Variants in IRF6 observed in about 807,000 individuals in gnomAD.
The protein encoded by IRF6 is interferon regulatory factor 6.
In IRF6, 6 loss-of-function variants were observed where a neutral mutation model predicts 51.4. The ratio of observed to expected loss-of-function variants is 0.12; its 90% CI spans 0.06 to 0.23. The LOEUF (loss-of-function observed/expected upper bound fraction) is 0.23. Among genes scored for constraint, IRF6 ranks in the 10% least tolerant of loss-of-function variants. The pLI is 1.00. For missense variants in IRF6, 348 were observed against 585.2 expected (o/e 0.59, Z 4.18); for synonymous variants, 178 against 215.7 (o/e 0.83, Z 1.53).
chr1:209,795,592 T>C (rs56877654), intron 4 of IRF6, among the ~76,000 whole-genome samples, 174 bp from the exon 5 acceptor site: 1,738 of 152,320 alleles, frequency 0.011, 33 homozygotes, highest in African/African-American at 0.038. Flanking sequence ...ACTTCTCTCA[T>C]GGAAGGACCT....
At chr1:209,788,781 C>T (rs1023052628) in intron 8 of IRF6, 137 bp from the exon 9 acceptor site, 12 of 713,160 alleles carry the variant, frequency 1.7e-5, no homozygotes, top group Non-Finnish European at 2.0e-5. Context: ...TAGGATATGC[C>T]TTCATCTCTC....
chr1:209,796,289 A>T lies in IRF6; in HGVS notation c.379+59T>A. ...CTGTTTTCAAGTTGACTATCTCTTA[A>T]GAGTGCAGCCCAGAATCTGGCATGC... On this transcript the variant is annotated intron_variant, in intron 4 of 8. Coordinates refer to ENST00000367021, the MANE Select transcript of IRF6 (RefSeq NM_006147.4). The surrounding 1 kb of genome is among the most constrained non-coding windows in gnomAD (Gnocchi z 4.5). The T allele has an allele frequency of 1.4e-6, 2 of 1,409,294 alleles. No individual in the cohort carries two copies. Among genetic ancestry groups the T allele is most frequent in the Non-Finnish European group, 2.0e-6 (2 of 996,468 alleles). The allele number at this position is 1,409,294 out of a possible 1,614,324, so 87.3% of individuals were successfully genotyped here.
rs912413850 is a variant in IRF6, at chr1:209,788,093, C to A, written c.*327G>T. 24 of 354,314 alleles carry A rather than the reference C, an allele frequency of 6.8e-5. No homozygotes were observed. Among genetic ancestry groups the A allele is most frequent in the African/African-American group, 4.8e-4 (23 of 47,622 alleles). The allele number at this position is 354,314 out of a possible 1,614,324, so 21.9% of individuals were successfully genotyped here. ...TCTCTTCACTTTATAAGCAATAAAT[C>A]TGAAGCCCAGAGGTTAAAGGACTTG... On this transcript the variant is annotated 3_prime_UTR_variant, in exon 9 of 9. Coordinates refer to ENST00000367021, the MANE Select transcript of IRF6 (RefSeq NM_006147.4).
chr1:209,790,464 C>T lies in IRF6; in HGVS notation c.1060+31G>A. 6.2e-7 allele frequency: 1 copy of T among 1,610,140 alleles called. No homozygotes were observed. Among genetic ancestry groups the T allele is most frequent in the Non-Finnish European group, 8.5e-7 (1 of 1,177,626 alleles). ...AGGAATGTACTTCCAGAGAGTGATT[C>T]CCACGATCAACTTTCTGAGAAATGA... On this transcript the variant is annotated intron_variant, in intron 7 of 8. Coordinates refer to ENST00000367021, the MANE Select transcript of IRF6 (RefSeq NM_006147.4). This position sits in a 1 kb window ranked among gnomAD's most constrained non-coding sequence, Gnocchi z 4.8.
In IRF6 at chr1:209,790,955, G is replaced by A. The variant is rs778842652; in HGVS notation, c.668-68C>T. 32 of 1,608,620 alleles carry A rather than the reference G, an allele frequency of 2.0e-5. No homozygotes were observed. The Middle Eastern group carries it at 9.0e-4, about 45-fold the overall frequency. ...CTGCCTGTTCATCCCTGTGACTCAT[G>A]CAAGTCCATTAAGATCAAGCCACCT... is the stretch of plus-strand genomic sequence containing the variant. On this transcript the variant is annotated intron_variant, in intron 6 of 8. Coordinates refer to ENST00000367021, the MANE Select transcript of IRF6 (RefSeq NM_006147.4). This position sits in a 1 kb window ranked among gnomAD's most constrained non-coding sequence, Gnocchi z 4.8.
intron 5 of IRF6, among the ~76,000 whole-genome samples, 169 bp downstream of exon 5, chr1:209,795,121 C>T (rs1461550249): frequency 1.3e-5 from 2 of 152,204 alleles, no homozygotes; most frequent in African/African-American, 4.8e-5. Context: ...GATAACTGAG[C>T]CAACAGGGAG....
rs1224922793 is a variant in IRF6 at position 209,790,503 on chromosome 1, A to T, written c.1052T>A (p.Phe351Tyr). Residue 351 changes from phenylalanine to tyrosine, a missense_variant, in exon 7 of 9, where the codon TTC (phenylalanine) becomes TAC (tyrosine). Transcript: ENST00000367021. This position sits in a 1 kb window ranked among gnomAD's most constrained non-coding sequence, Gnocchi z 4.8. ...TCTGAGAAATGACTTACCGCTAAGG[A>T]ATGTTTCCAGACAAAATAGCTTGAC... ...KKVKLFCLET[F>Y]LSDLIAHQKG... 6.2e-7 allele frequency: 1 copy of T among 1,613,948 alleles called. No homozygotes were observed. The highest frequency in any genetic ancestry group is 8.5e-7 in the Non-Finnish European group (1 of 1,180,036).
rs111386569 is a variant in IRF6, at chr1:209,793,679, G to A, written c.509-1252C>T. On this transcript the variant is annotated intron_variant, in intron 5 of 8. Transcript: ENST00000367021. ...TTATTTCGTCACCTAGTTAATAAGC[G>A]TAGTACCCAATAGGTAGTTTTTTTA... 4.2e-3 allele frequency among the ~76,000 whole-genome samples: 637 copies of A among 152,238 alleles called. 9 individuals are homozygous for A. Among genetic ancestry groups the A allele is most frequent in the Non-Finnish European group, 4.3e-3 (291 of 67,996 alleles).
chr1:209,800,236 C>A (rs2077932274), intron 3 of IRF6, among the ~76,000 whole-genome samples: 1 of 152,282 alleles, frequency 6.6e-6, no homozygotes, highest in East Asian at 1.9e-4. Flanking sequence ...ATGTGAAAAC[C>A]TTTCCCACAA....
chr1:209,805,686 C>T (rs1255611980), intron 1 of IRF6, among the ~76,000 whole-genome samples: 1 of 152,178 alleles, frequency 6.6e-6, no homozygotes, highest in Non-Finnish European at 1.5e-5. Context: ...GAGAGCAGTG[C>T]CCTCCGCTTC....
chr1:209,789,657 A>G lies in IRF6; in HGVS notation c.1179+10T>C, dbSNP rs1383050842. 2 of 1,587,850 alleles carry G rather than the reference A, an allele frequency of 1.3e-6. No individual in the cohort carries two copies. The highest frequency in any genetic ancestry group is 2.7e-5 in the African/African-American group (2 of 74,394). Reference sequence around the variant, plus strand: ...GATGAAGAGTTGTTGACACAGCCTTATCTTCTCACCTGAACCAAGATGAGT... The same window carrying G: ...GATGAAGAGTTGTTGACACAGCCTTGTCTTCTCACCTGAACCAAGATGAGT... On this transcript the variant is annotated intron_variant, in intron 8 of 8. Transcript: ENST00000367021.
intron 8 of IRF6, 140 bp downstream of exon 8, chr1:209,789,527 A>G (rs764614160): frequency 6.7e-5 from 50 of 744,584 alleles, no homozygotes; most frequent in Non-Finnish European, 1.2e-4. Context: ...CCTACTGCAC[A>G]AACCTGAGTC....
intron 1 of IRF6, among the ~76,000 whole-genome samples, chr1:209,802,631 C>G (rs1458408213): frequency 6.6e-6 from 1 of 152,164 alleles, no homozygotes; most frequent in Non-Finnish European, 1.5e-5. Context: ...GCTCCATGTT[C>G]CTTCTTGAGA....
In IRF6 at chr1:209,785,823, C is replaced by G. The variant is rs1856161; in HGVS notation, c.*2597G>C. 6 of 152,080 alleles carry G rather than the reference C, an allele frequency of 3.9e-5. No homozygotes were observed. The highest frequency in any genetic ancestry group is 1.4e-4 in the African/African-American group (6 of 41,390). The allele number at this position is 152,080 out of a possible 1,614,324, so 9.4% of individuals were successfully genotyped here. A position where few individuals can be genotyped will look rare whatever the true frequency, so the allele number is the denominator to read the frequency against. On this transcript the variant is annotated 3_prime_UTR_variant, in exon 9 of 9. Transcript: ENST00000367021. ...AGCAAGTTTGCAGTCAAGCAGGATG[C>G]GGATGCTGAGCATTACAAGGGAAAT... is the stretch of plus-strand genomic sequence containing the variant.
At chr1:209,791,782 GT>G (rs926638127) in intron 6 of IRF6, among the ~76,000 whole-genome samples, 24 of 151,822 alleles carry the variant, frequency 1.6e-4, no homozygotes, top group Admixed American at 4.6e-4. Flanking sequence ...GTCAGCCAAT[GT>G]TTTTGTTGTT....
chr1:209,804,980 A>G (rs543813949), intron 1 of IRF6, among the ~76,000 whole-genome samples: 1 of 152,238 alleles, frequency 6.6e-6, no homozygotes, highest in East Asian at 1.9e-4. Flanking sequence ...AGCCCTGCTT[A>G]GGGGTAAACT....
intron 5 of IRF6, 171 bp from the exon 6 acceptor site, chr1:209,792,598 T>C: frequency 1.5e-6 from 1 of 661,218 alleles, no homozygotes. Flanking sequence ...AGAAATAAGG[T>C]TCCCCTGCTC....
intron 1 of IRF6, among the ~76,000 whole-genome samples, chr1:209,804,079 T>C (rs1255168058): frequency 6.6e-6 from 1 of 152,240 alleles, no homozygotes; most frequent in Non-Finnish European, 1.5e-5. Context: ...GATTCATATT[T>C]TCCTACAATG....
At chr1:209,797,108 C>T (rs1013710542) in intron 3 of IRF6, among the ~76,000 whole-genome samples, 11 of 152,254 alleles carry the variant, frequency 7.2e-5, no homozygotes, top group East Asian at 5.8e-4. Flanking sequence ...TGCAGGGGCT[C>T]ATGCCTGTAA....
Sources: allele counts gnomAD v4.1 joint callset (sites outside exome capture counted in the v4.1 genomes callset), GRCh38; gene constraint gnomAD v4.1.1; non-coding constraint Gnocchi (gnomAD v3.1); transcripts MANE v1.5; gene names NCBI Gene and HGNC (gene_info 2026-07-23, HGNC 2026-07-21).